Variants in PDS5A observed in about 807,000 individuals in gnomAD.
The protein encoded by PDS5A is sister chromatid cohesion protein PDS5 homolog A.
Under a neutral mutation model 167.1 loss-of-function variants are expected in PDS5A, and 42 were observed. That is an observed-to-expected ratio of 0.25 (90% CI 0.20 to 0.33). The LOEUF is 0.33. Ranked by LOEUF, PDS5A falls within the 10% of genes least tolerant of loss-of-function variation. The pLI, the probability that PDS5A is intolerant of heterozygous loss-of-function variation, is 1.00. For synonymous variants in PDS5A, 553 were observed against 554.6 expected (o/e 1.00, Z 0.04); for missense variants, 1,033 against 1,605.9 (o/e 0.64, Z 6.10).
intron 2 of PDS5A, among the ~76,000 whole-genome samples, chr4:39,937,605 G>T (rs909484657): frequency 2.0e-5 from 3 of 152,208 alleles, no homozygotes; most frequent in African/African-American, 7.2e-5. Flanking sequence ...TATTGGTAGA[G>T]ATGGGGTCTT....
chr4:39,964,741 A>G (rs1729816811), intron 2 of PDS5A, among the ~76,000 whole-genome samples: 2 of 151,964 alleles, frequency 1.3e-5, no homozygotes, highest in Non-Finnish European at 2.9e-5. Context: ...TCACACCTAT[A>G]ATCCCAGCAC....
At position 39,866,821 on chromosome 4, in the gene PDS5A, T is replaced by C. The variant is rs1256140991; in HGVS notation, c.2642+40A>G. 7.0e-6 allele frequency: 11 copies of C among 1,582,190 alleles called. No individual in the cohort carries two copies. In the Admixed American group the frequency reaches 2.0e-4, roughly 29 times the overall value. On this transcript the variant is annotated intron_variant, in intron 23 of 32. Transcript: ENST00000303538. The stretch of plus-strand genomic sequence containing the variant: ...AATTCCTATGTAAATTCCACCAAAA[T>C]TTCAGCACTAAGAAAACTGGAAAGA...
At position 39,898,436 on chromosome 4, in the gene PDS5A, A is replaced by G. The variant is rs1304079948; in HGVS notation, c.1723T>C (p.Leu575=). ...DDEKLRSQLE[L]LISPTCSCKQ... is the part of the protein sequence containing the mutation. ...CAAGAACAGGTTGGGCTAATTAATA[A>G]CTCCAACTGAGACCGAAGTTTCTCA... Residue 575 remains leucine, a synonymous_variant, in exon 16 of 33, where the codon TTA becomes CTA. Coordinates refer to ENST00000303538, the MANE Select transcript of PDS5A (RefSeq NM_001100399.2). 3.1e-6 allele frequency: 5 copies of G among 1,593,102 alleles called. No homozygotes were observed. The highest frequency in any genetic ancestry group is 1.7e-5 in the Admixed American group (1 of 57,752).
At chr4:39,916,042 G>A (rs1420623337) in intron 8 of PDS5A, among the ~76,000 whole-genome samples, 1 of 152,070 alleles carries the variant, frequency 6.6e-6, no homozygotes, top group Non-Finnish European at 1.5e-5. Flanking sequence ...AGACCAGCCT[G>A]GGCAACATAG....
intron 8 of PDS5A, among the ~76,000 whole-genome samples, 176 bp downstream of exon 8, chr4:39,916,872 A>G (rs1724441365): frequency 6.6e-6 from 1 of 152,186 alleles, no homozygotes; most frequent in Non-Finnish European, 1.5e-5. Flanking sequence ...GTCTCAAAAA[A>G]AGAAAAAAAA....
Position 39,824,024 on chromosome 4 carries a change from A to ATGG in PDS5A, c.*1460_*1461insCCA, listed in dbSNP as rs1715062027. Reference sequence around the variant, plus strand: ...TTGTTTCCTCTGACCCATGCTAGAAACGTGTAAGGAAATGGAGTGAGCACA... The same window carrying ATGG: ...TTGTTTCCTCTGACCCATGCTAGAAATGGCGTGTAAGGAAATGGAGTGAGCACA... On this transcript the variant is annotated 3_prime_UTR_variant, in exon 33 of 33. Coordinates refer to ENST00000303538, the MANE Select transcript of PDS5A (RefSeq NM_001100399.2). 1 of 152,214 alleles carries ATGG rather than the reference A, an allele frequency of 6.6e-6. No individual in the cohort carries two copies. The highest frequency in any genetic ancestry group is 2.4e-5 in the African/African-American group (1 of 41,448). 9.4% of individuals were successfully genotyped at this position (152,214 alleles called of 1,614,324 possible). A position where few individuals can be genotyped will look rare whatever the true frequency, so the allele number is the denominator to read the frequency against.
intron 2 of PDS5A, among the ~76,000 whole-genome samples, chr4:39,931,498 C>T (rs895088951): frequency 3.9e-5 from 6 of 152,160 alleles, no homozygotes; most frequent in Admixed American, 2.6e-4. Flanking sequence ...CTTGACTGGG[C>T]GTGGAGGGTG....
chr4:39,973,448 G>A lies in PDS5A; in HGVS notation c.138+2992C>T. On this transcript the variant is annotated intron_variant, in intron 2 of 32. Transcript: ENST00000303538. Reference sequence around the variant, plus strand: ...ACAGCAGGAGTAGCTGCAGCCAGCAGATACCAGGGTGTTAATATTTACGTG... The same window carrying A: ...ACAGCAGGAGTAGCTGCAGCCAGCAAATACCAGGGTGTTAATATTTACGTG... 9 of 1,338,156 alleles carry A rather than the reference G, an allele frequency of 6.7e-6. No homozygotes were observed. In the South Asian group the frequency reaches 8.2e-5, roughly 12 times the overall value. 82.9% of individuals were successfully genotyped at this position (1,338,156 alleles called of 1,614,324 possible).
Position 39,889,145 on chromosome 4 carries a change from G to T in PDS5A, c.1886+1104C>A, listed in dbSNP as rs551785759. 7.2e-5 allele frequency among the ~76,000 whole-genome samples: 11 copies of T among 152,304 alleles called. No homozygotes were observed. The Middle Eastern group carries it at 0.017, about 235-fold the overall frequency. On this transcript the variant is annotated intron_variant, in intron 17 of 32. Coordinates refer to ENST00000303538, the MANE Select transcript of PDS5A (RefSeq NM_001100399.2). Reference sequence around the variant, plus strand: ...ATCAAGGTAAAATAAGATTGAATGGGTGGGGCCTAATCCAATATGACTATT... The same window carrying T: ...ATCAAGGTAAAATAAGATTGAATGGTTGGGGCCTAATCCAATATGACTATT...
chr4:39,936,352 A>C (rs1726598869), intron 2 of PDS5A, among the ~76,000 whole-genome samples: 1 of 152,140 alleles, frequency 6.6e-6, no homozygotes, highest in Non-Finnish European at 1.5e-5. Context: ...CAGACCAGCT[A>C]TAAATTTCAG....
chr4:39,846,023 A>T, intron 28 of PDS5A, 143 bp from the exon 29 acceptor site: 1 of 662,056 alleles, frequency 1.5e-6, no homozygotes, highest in Non-Finnish European at 2.1e-6. Flanking sequence ...AATTTATCAA[A>T]CAATCAAAAC....
intron 14 of PDS5A, among the ~76,000 whole-genome samples, 199 bp downstream of exon 14, chr4:39,900,227 T>A (rs1423042861): frequency 6.6e-6 from 1 of 152,246 alleles, no homozygotes; most frequent in Non-Finnish European, 1.5e-5. Context: ...ACCATTTCTT[T>A]GCTCACACTA....
Position 39,976,626 on chromosome 4 carries a change from C to G in PDS5A, c.-40-9G>C, listed in dbSNP as rs759401280. ...CAGTCCTCTACCGGCCTCTATCGGT[C>G]AGAAAACCAAAGTTCAGCGGGAAAG... is the stretch of plus-strand genomic sequence containing the variant. On this transcript the variant is annotated splice_polypyrimidine_tract_variant and intron_variant, in intron 1 of 32. Transcript: ENST00000303538. The G allele has an allele frequency of 3.3e-6, 5 of 1,501,310 alleles. No individual in the cohort carries two copies. Among genetic ancestry groups the G allele is most frequent in the Middle Eastern group, 2.0e-4 (1 of 5,088 alleles). The allele number at this position is 1,501,310 out of a possible 1,614,324, so 93.0% of individuals were successfully genotyped here.
rs1433900050 is a variant in PDS5A, at chr4:39,977,199, C to A, written c.-41+258G>T. On this transcript the variant is annotated intron_variant, in intron 1 of 32. Transcript: ENST00000303538. The surrounding 1 kb of genome is among the most constrained non-coding windows in gnomAD (Gnocchi z 4.2). The stretch of plus-strand genomic sequence containing the variant: ...CCCCGCGGGAGGGGAAAACAAGCCG[C>A]CCTCCACCCTCAGCCCCACGCCAGG... Among the ~76,000 whole-genome samples the A allele has an allele frequency of 1.3e-5, 2 of 152,084 alleles. No homozygotes were observed. The highest frequency in any genetic ancestry group is 4.8e-5 in the African/African-American group (2 of 41,428).
intron 17 of PDS5A, among the ~76,000 whole-genome samples, chr4:39,880,843 G>A (rs1196444709): frequency 6.6e-6 from 1 of 152,032 alleles, no homozygotes; most frequent in Non-Finnish European, 1.5e-5. Flanking sequence ...CTATGTTATT[G>A]TTAACTATAG....
intron 17 of PDS5A, among the ~76,000 whole-genome samples, chr4:39,888,930 T>A (rs778891517): frequency 1.3e-5 from 2 of 152,204 alleles, no homozygotes; most frequent in Non-Finnish European, 2.9e-5. Context: ...TTTAAGGTGA[T>A]GTATATCACC....
intron 2 of PDS5A, among the ~76,000 whole-genome samples, chr4:39,954,688 A>C (rs1056684776): frequency 5.9e-5 from 9 of 151,328 alleles, no homozygotes; most frequent in Non-Finnish European, 1.3e-4. Flanking sequence ...AAAAAAAAAA[A>C]AAAAAAAAAC....
chr4:39,865,164 T>G (rs918676598), intron 23 of PDS5A, among the ~76,000 whole-genome samples: 1 of 151,940 alleles, frequency 6.6e-6, no homozygotes, highest in African/African-American at 2.4e-5. Flanking sequence ...TGAAAAGAGG[T>G]ATTGATTAAG....
chr4:39,915,343 A>ATT (rs3070904), intron 8 of PDS5A, among the ~76,000 whole-genome samples: 8,392 of 88,538 alleles, frequency 0.095, 405 homozygotes, highest in East Asian at 0.16. Flanking sequence ...AACCGGCCTG[A>ATT]TTTTTTTTTT....
Sources: allele counts gnomAD v4.1 joint callset (sites outside exome capture counted in the v4.1 genomes callset), GRCh38; gene constraint gnomAD v4.1.1; non-coding constraint Gnocchi (gnomAD v3.1); transcripts MANE v1.5; gene names NCBI Gene and HGNC (gene_info 2026-07-23, HGNC 2026-07-21).